BCAN: variants seen among roughly 807,000 people sequenced by gnomAD.
The protein encoded by BCAN is brevican core protein.
BCAN carries 51 observed loss-of-function variants against 92.4 expected under a neutral mutation model. That is an observed-to-expected ratio of 0.55 (90% CI 0.44 to 0.70). BCAN has a LOEUF of 0.70. Among genes scored for constraint, BCAN ranks in the 30% least tolerant of loss-of-function variants. The probability of loss-of-function intolerance (pLI) is 0.00; values close to 1 mark genes in which losing one functional copy is unlikely to be tolerated. For missense variants in BCAN, 1,140 were observed against 1,212.1 expected (o/e 0.94, Z 0.88); for synonymous variants, 501 against 505.2 (o/e 0.99, Z 0.11).
At chr1:156,659,006 G>T in intron 13 of BCAN, 21 bp from the exon 14 acceptor site, 1 of 1,571,712 alleles carries the variant, frequency 6.4e-7, no homozygotes. Context: ...AGGGTGGAGG[G>T]TGAGTGTGTG....
intron 8 of BCAN, chr1:156,653,335 C>T: frequency 9.5e-7 from 1 of 1,054,270 alleles, no homozygotes; most frequent in Non-Finnish European, 1.1e-6. Context: ...AGTCCCTTCT[C>T]ACCCCTCAAC....
In BCAN at chr1:156,647,193, T is replaced by C. The variant is rs1010985114; in HGVS notation, c.466+18T>C. 35 of 572,578 alleles carry C rather than the reference T, an allele frequency of 6.1e-5. No individual in the cohort carries two copies. The highest frequency in any genetic ancestry group is 1.0e-4 in the Non-Finnish European group (34 of 339,360). The allele number at this position is 572,578 out of a possible 1,614,324, so 35.5% of individuals were successfully genotyped here. A position where few individuals can be genotyped will look rare whatever the true frequency, so the allele number is the denominator to read the frequency against. On this transcript the variant is annotated intron_variant, in intron 3 of 13. Coordinates refer to ENST00000329117, the MANE Select transcript of BCAN (RefSeq NM_021948.5). This position sits in a 1 kb window ranked among gnomAD's most constrained non-coding sequence, Gnocchi z 4.8. ...GGTCAAAGGTGAGAGGGCAGGGAGG[T>C]TCCAGAGGGAGGGAGGGAGGGAGGG...
At chr1:156,652,099 T>TGGCG in intron 7 of BCAN, 149 bp from the exon 8 acceptor site, 1 of 1,044,704 alleles carries the variant, frequency 9.6e-7, no homozygotes, top group South Asian at 1.7e-5. Context: ...TCTTCCAGTG[T>TGGCG]GGCGCAAGGA....
At position 156,646,791 on chromosome 1, in the gene BCAN, C is replaced by A. The variant is rs112912380; in HGVS notation, c.92-10C>A. On this transcript the variant is annotated splice_polypyrimidine_tract_variant and intron_variant, in intron 2 of 13. Coordinates refer to ENST00000329117, the MANE Select transcript of BCAN (RefSeq NM_021948.5). Reference sequence around the variant, plus strand: ...AGCGTTAAGTTCCAGCCGGCTCCACCCGTTCACAGAGGACCGCGCTTTTCG... The same window carrying A: ...AGCGTTAAGTTCCAGCCGGCTCCACACGTTCACAGAGGACCGCGCTTTTCG... 4 of 1,539,930 alleles carry A rather than the reference C, an allele frequency of 2.6e-6. No individual in the cohort carries two copies. The highest frequency in any genetic ancestry group is 3.5e-6 in the Non-Finnish European group (4 of 1,142,316).
chr1:156,656,826 C>T lies in BCAN; in HGVS notation c.2051-112C>T, dbSNP rs550369091. The T allele has an allele frequency of 8.3e-6, 12 of 1,440,858 alleles. No homozygotes were observed. The East Asian group carries it at 2.6e-4, about 31-fold the overall frequency. The allele number at this position is 1,440,858 out of a possible 1,614,324, so 89.3% of individuals were successfully genotyped here. ...GCTCTTTTGCACCGCCCTCCTGTCC[C>T]CCTTAGTCCCGCCCCTCTCGGCCTG... On this transcript the variant is annotated intron_variant, in intron 9 of 13. Coordinates refer to ENST00000329117, the MANE Select transcript of BCAN (RefSeq NM_021948.5).
Position 156,647,300 on chromosome 1 carries a change from A to G in BCAN, c.466+125A>G. ...TGGAAGGCGCAGCCTGGGTTGGAAA[A>G]AGAGTGAGGAGACACGGGCCTTTGT... On this transcript the variant is annotated intron_variant, in intron 3 of 13. Transcript: ENST00000329117. This position sits in a 1 kb window ranked among gnomAD's most constrained non-coding sequence, Gnocchi z 4.8. 1 of 1,277,808 alleles carries G rather than the reference A, an allele frequency of 7.8e-7. No individual in the cohort carries two copies. The highest frequency in any genetic ancestry group is 2.7e-4 in the Middle Eastern group (1 of 3,742). 79.2% of individuals were successfully genotyped at this position (1,277,808 alleles called of 1,614,324 possible).
rs1298104073 is a variant in BCAN at position 156,642,144 on chromosome 1, C to G, written c.-140C>G. Reference sequence around the variant, plus strand: ...CTTCCGAATGTCCTGCGGCCCCAGCCTCTCCTCACGCTCGCGCAGTCTCCG... The same window carrying G: ...CTTCCGAATGTCCTGCGGCCCCAGCGTCTCCTCACGCTCGCGCAGTCTCCG... On this transcript the variant is annotated 5_prime_UTR_variant, in exon 1 of 14. Coordinates refer to ENST00000329117, the MANE Select transcript of BCAN (RefSeq NM_021948.5). The surrounding 1 kb of genome is among the most constrained non-coding windows in gnomAD (Gnocchi z 4.2). The G allele has an allele frequency of 6.6e-6, 1 of 152,404 alleles. No homozygotes were observed. Among genetic ancestry groups the G allele is most frequent in the Non-Finnish European group, 1.5e-5 (1 of 68,174 alleles). 9.4% of individuals were successfully genotyped at this position (152,404 alleles called of 1,614,324 possible). A position where few individuals can be genotyped will look rare whatever the true frequency, so the allele number is the denominator to read the frequency against.
chr1:156,649,892 C>T (rs1239586251), intron 6 of BCAN: 3 of 518,936 alleles, frequency 5.8e-6, no homozygotes, highest in Non-Finnish European at 7.7e-6. Flanking sequence ...GCAGACACAG[C>T]CTTGAACCTC....
At position 156,658,941 on chromosome 1, in the gene BCAN, CG is replaced by C; in HGVS notation, c.2629-83del. The C allele has an allele frequency of 7.2e-7, 1 of 1,386,190 alleles. No homozygotes were observed. The highest frequency in any genetic ancestry group is 1.2e-5 in the South Asian group (1 of 80,506). 85.9% of individuals were successfully genotyped at this position (1,386,190 alleles called of 1,614,324 possible). On this transcript the variant is annotated intron_variant, in intron 13 of 13. Coordinates refer to ENST00000329117, the MANE Select transcript of BCAN (RefSeq NM_021948.5). The surrounding 1 kb of genome is among the most constrained non-coding windows in gnomAD (Gnocchi z 4.4). ...CATGCAGCCCCATTCTGGGCTCTTA[CG>C]GGCTGAGCAAGAACATCAGAGGGCA... is the stretch of plus-strand genomic sequence containing the variant.
chr1:156,647,171 C>A lies in BCAN; in HGVS notation c.462C>A (p.Val154=). The change falls in exon 3 of 14, where the codon GTC becomes GTA. Residue 154 remains valine, a synonymous_variant. Transcript: ENST00000329117. This position sits in a 1 kb window ranked among gnomAD's most constrained non-coding sequence, Gnocchi z 4.8. ...DDSSDAVEVK[V]KGVVFLYREG... ...GCAGCGACGCTGTGGAGGTCAAGGT[C>A]AAAGGTGAGAGGGCAGGGAGGTTCC... 1.5e-5 allele frequency: 15 copies of A among 993,978 alleles called. No individual in the cohort carries two copies. The highest frequency in any genetic ancestry group is 6.9e-5 in the East Asian group (1 of 14,482). The allele number at this position is 993,978 out of a possible 1,614,324, so 61.6% of individuals were successfully genotyped here. A position where few individuals can be genotyped will look rare whatever the true frequency, so the allele number is the denominator to read the frequency against.
rs758362636 is a variant in BCAN at position 156,658,638 on chromosome 1, C to T, written c.2533C>T (p.Arg845Trp). ...EVDTVLRYRC[R>W]EGLAQRNLPL... ...GGACACTGTGCTTCGCTACCGGTGC[C>T]GGGAAGGACTGGCCCAGCGCAATCT... The change falls in exon 13 of 14, where the codon CGG becomes TGG. Residue 845 changes from arginine (R) to tryptophan (W), a missense_variant. Arg to Trp is a moderately radical substitution (Grantham distance 101). Transcript: ENST00000329117. This position sits in a 1 kb window ranked among gnomAD's most constrained non-coding sequence, Gnocchi z 4.4. 13 of 1,614,030 alleles carry T rather than the reference C, an allele frequency of 8.1e-6. No individual in the cohort carries two copies. The highest frequency in any genetic ancestry group is 8.0e-5 in the African/African-American group (6 of 74,950).
At position 156,658,079 on chromosome 1, in the gene BCAN, C is replaced by G. The variant is rs1679397274; in HGVS notation, c.2293-48C>G. 3.1e-6 allele frequency: 5 copies of G among 1,596,156 alleles called. No individual in the cohort carries two copies. Among genetic ancestry groups the G allele is most frequent in the Non-Finnish European group, 2.6e-6 (3 of 1,169,398 alleles). ...TCCCCAGATCCTCTAGGCCCTCTCC[C>G]GGTGCTCCTGGTGTAGGAGCTCCTC... On this transcript the variant is annotated intron_variant, in intron 11 of 13. Transcript: ENST00000329117. The surrounding 1 kb of genome is among the most constrained non-coding windows in gnomAD (Gnocchi z 4.4).
chr1:156,656,257 C>T lies in BCAN; in HGVS notation c.1943-25C>T, dbSNP rs200336837. The T allele has an allele frequency of 1.1e-3, 1,568 of 1,445,994 alleles. 12 individuals are homozygous for T. The highest frequency in any genetic ancestry group is 6.3e-4 in the Non-Finnish European group (697 of 1,103,572). The allele number at this position is 1,445,994 out of a possible 1,614,324, so 89.6% of individuals were successfully genotyped here. On this transcript the variant is annotated intron_variant, in intron 8 of 13. Transcript: ENST00000329117. Reference sequence around the variant, plus strand: ...CAGAGTGCGGCTGCCTCGCTCCCCCCGCCTCACTTCTTTCCCCCTCTCAGG... The same window carrying T: ...CAGAGTGCGGCTGCCTCGCTCCCCCTGCCTCACTTCTTTCCCCCTCTCAGG...
rs780294314 is a variant in BCAN, at chr1:156,652,504, T to G, written c.1554T>G (p.Gly518=). Residue 518 remains glycine (G), a synonymous_variant, in exon 8 of 14, where the codon GGT becomes GGG. Transcript: ENST00000329117. ...QAPARAVLQP[G]ASPLPDGESE... Reference sequence around the variant, plus strand: ...CAGCAAGGGCAGTCCTGCAGCCTGGTGCATCACCACTTCCTGATGGAGAGT... The same window carrying G: ...CAGCAAGGGCAGTCCTGCAGCCTGGGGCATCACCACTTCCTGATGGAGAGT... 2 of 1,610,408 alleles carry G rather than the reference T, an allele frequency of 1.2e-6. No individual in the cohort carries two copies.
Position 156,647,637 on chromosome 1 carries a change from G to T in BCAN, c.596G>T (p.Gly199Val), listed in dbSNP as rs1172830643. 6.2e-7 allele frequency: 1 copy of T among 1,609,682 alleles called. No homozygotes were observed. The highest frequency in any genetic ancestry group is 8.5e-7 in the Non-Finnish European group (1 of 1,177,650). ...PEQLYAAYLG[G>V]YEQCDAGWLS... ...CAGCTCTATGCCGCCTACCTTGGGG[G>T]CTATGAGCAATGTGATGCTGGCTGG... The change falls in exon 4 of 14, where the codon GGC (glycine) becomes GTC (valine). Residue 199 changes from glycine to valine, a missense_variant. Transcript: ENST00000329117. This position sits in a 1 kb window ranked among gnomAD's most constrained non-coding sequence, Gnocchi z 4.8.
chr1:156,655,246 G>A (rs1037147836), intron 8 of BCAN, among the ~76,000 whole-genome samples: 5 of 152,202 alleles, frequency 3.3e-5, no homozygotes, highest in African/African-American at 7.2e-5. Context: ...CACATCCTAA[G>A]GACAGCCACC....
chr1:156,657,545 A>C (rs1400766056), intron 10 of BCAN, 130 bp from the exon 11 acceptor site: 1 of 685,194 alleles, frequency 1.5e-6, no homozygotes, highest in African/African-American at 1.8e-5. Flanking sequence ...CTGGGGTAGA[A>C]GAACCCGACA....
In BCAN at chr1:156,651,485, G is replaced by A. The variant is rs747776850; in HGVS notation, c.1093G>A (p.Ala365Thr). The A allele has an allele frequency of 1.9e-6, 3 of 1,613,474 alleles. No individual in the cohort carries two copies. Among genetic ancestry groups the A allele is most frequent in the African/African-American group, 1.3e-5 (1 of 74,986 alleles). ...GGCCCAGCCTTCTGCCATCCCTGAG[G>A]CCTCCAACCCAGCCTCCAACCCAGC... ...DSAQPSAIPEASNPASNPASD... is the reference protein window; with the variant it reads ...DSAQPSAIPETSNPASNPASD... The change falls in exon 7 of 14, where the codon GCC becomes ACC. Residue 365 changes from alanine to threonine, a missense_variant. Ala to Thr is a moderately conservative substitution (Grantham distance 58, BLOSUM62 0). This residue lies in a region of BCAN where 825 missense variants were observed against 871.8 expected (regional missense o/e 0.95). Transcript: ENST00000329117.
intron 5 of BCAN, among the ~76,000 whole-genome samples, 195 bp downstream of exon 5, chr1:156,648,305 G>A (rs1028349121): frequency 6.6e-6 from 1 of 152,134 alleles, no homozygotes; most frequent in Non-Finnish European, 1.5e-5. Context: ...CAGCCAGGCA[G>A]CAGGATACCG....
Sources: allele counts gnomAD v4.1 joint callset (sites outside exome capture counted in the v4.1 genomes callset), GRCh38; gene constraint gnomAD v4.1.1; regional missense constraint gnomAD v4.1.1; non-coding constraint Gnocchi (gnomAD v3.1); transcripts MANE v1.5; gene names NCBI Gene and HGNC (gene_info 2026-07-23, HGNC 2026-07-21).